CPNE7: variants seen among roughly 807,000 people sequenced by gnomAD.
CPNE7 encodes copine 7, also known as copine-7.
CPNE7 carries 78 observed loss-of-function variants against 66.5 expected under a neutral mutation model. That is an observed-to-expected ratio of 1.17 (90% CI 0.98 to 1.42). CPNE7 has a LOEUF of 1.42. Among genes scored for constraint, CPNE7 ranks in the 40% most tolerant of loss-of-function variants. The probability of loss-of-function intolerance (pLI) is 0.00; values close to 1 mark genes in which losing one functional copy is unlikely to be tolerated. For missense variants in CPNE7, 1,012 were observed against 776.6 expected, an observed-to-expected ratio of 1.30 and a Z score of -3.60; for synonymous variants, 468 against 336.7, an observed-to-expected ratio of 1.39 and a Z score of -4.27.
rs2059159081 is a variant in CPNE7 at position 89,591,014 on chromosome 16, A to G, written c.1124A>G (p.His375Arg). 5.0e-6 allele frequency: 8 copies of G among 1,613,608 alleles called. No individual in the cohort carries two copies. Among genetic ancestry groups the G allele is most frequent in the East Asian group, 4.5e-5 (2 of 44,846 alleles). The change falls in exon 12 of 15, where the codon CAT becomes CGT. Residue 375 changes from histidine to arginine, a missense_variant. Physicochemically the swap from His to Arg is conservative, Grantham distance 29 (BLOSUM62 0). Coordinates refer to ENST00000319518, the MANE Select transcript of CPNE7 (RefSeq NM_153636.3). ...CCTCTTGTTCCCACCCAGGTGTCCC[A>G]TGACTTTGCCATCAATTTCAACCCT... ...ARIPPKYEVS[H>R]DFAINFNPED...
intron 9 of CPNE7, among the ~76,000 whole-genome samples, chr16:89,588,214 C>G (rs1214963213): frequency 2.7e-5 from 4 of 146,864 alleles, no homozygotes; most frequent in South Asian, 2.2e-4. Flanking sequence ...CCGCGTGTCA[C>G]CCACAGATAC....
intron 8 of CPNE7, 116 bp downstream of exon 8, chr16:89,586,872 G>A (rs998472874): frequency 1.8e-6 from 2 of 1,131,108 alleles, no homozygotes; most frequent in African/African-American, 1.5e-5. Context: ...CACGTCTGGG[G>A]AGGGGCTGAG....
At chr16:89,581,297 C>A (rs181295) in intron 2 of CPNE7, among the ~76,000 whole-genome samples, 1 of 146,816 alleles carries the variant, frequency 6.8e-6, no homozygotes, top group Non-Finnish European at 1.5e-5. Context: ...TCACACAGAA[C>A]ATCCCGTCAC....
intron 7 of CPNE7, among the ~76,000 whole-genome samples, chr16:89,586,226 C>T (rs2059036651): frequency 6.6e-6 from 1 of 152,086 alleles, no homozygotes; most frequent in Non-Finnish European, 1.5e-5. Flanking sequence ...ATGGTGGACC[C>T]TGGTGCTGGC....
At chr16:89,587,200 GTCTGTGGCCCCGCCCATCCCCGCC>G in intron 9 of CPNE7, 98 bp downstream of exon 9, 1 of 426,524 alleles carries the variant, frequency 2.3e-6, no homozygotes, top group African/African-American at 5.1e-5. Flanking sequence ...CGCCCCCTCA[GTCTGTGGCCCCGCCCATCCCCGCC>G]CCCTCAGTCC....
intron 2 of CPNE7, among the ~76,000 whole-genome samples, chr16:89,582,582 C>T (rs1257869838): frequency 1.3e-5 from 2 of 152,218 alleles, no homozygotes; most frequent in East Asian, 3.9e-4. Flanking sequence ...GCTCCCCCTC[C>T]CAGCACCCAG....
In CPNE7 at chr16:89,586,672, C is replaced by G. The variant is rs779387198; in HGVS notation, c.783C>G (p.Ala261=). 1.9e-6 allele frequency: 3 copies of G among 1,612,572 alleles called. No homozygotes were observed. The highest frequency in any genetic ancestry group is 2.5e-6 in the Non-Finnish European group (3 of 1,179,468). Residue 261 remains alanine (A), a splice_region_variant and synonymous_variant, in exon 8 of 15, where the codon GCC becomes GCG. Transcript: ENST00000319518. ...GCCTCTGCTTGTTCCTGCCCCAGGC[C>G]CAGTGGGACTGTGTGAACCCCAAAT... ...EMQKAFEEGQ[A]QWDCVNPKYK...
chr16:89,587,499 C>T (rs1381677740), intron 9 of CPNE7: 2 of 450,338 alleles, frequency 4.4e-6, no homozygotes, highest in Non-Finnish European at 8.9e-6. Context: ...AGCCCCAAGC[C>T]CGCCTTGGGA....
chr16:89,583,621 T>A (rs2058990197), intron 2 of CPNE7, 76 bp from the exon 3 acceptor site: 1 of 1,606,492 alleles, frequency 6.2e-7, no homozygotes, highest in Admixed American at 1.7e-5. Context: ...AGAGTCCGGG[T>A]GAGGGCGCGG....
In CPNE7 at chr16:89,575,955, T is replaced by G; in HGVS notation, c.58T>G (p.Cys20Gly). Residue 20 changes from cysteine (C) to glycine (G), a missense_variant, in exon 1 of 15, where the codon TGC becomes GGC. Cys to Gly is a radical substitution (Grantham distance 159). Coordinates refer to ENST00000319518, the MANE Select transcript of CPNE7 (RefSeq NM_153636.3). Reference protein sequence around the residue: ...AATPGGLPAPCASKVELRLSC... With the variant: ...AATPGGLPAPGASKVELRLSC... The stretch of plus-strand genomic sequence containing the variant: ...AACCCCCGGGGGTTTGCCCGCGCCC[T>G]GCGCCTCGAAGGTGGAGCTGCGGCT... 1 of 1,348,234 alleles carries G rather than the reference T, an allele frequency of 7.4e-7. No individual in the cohort carries two copies. Among genetic ancestry groups the G allele is most frequent in the Non-Finnish European group, 9.5e-7 (1 of 1,048,850 alleles). 83.5% of individuals were successfully genotyped at this position (1,348,234 alleles called of 1,614,324 possible).
chr16:89,590,071 G>T (rs984499958), intron 11 of CPNE7, 120 bp downstream of exon 11: 33 of 1,161,040 alleles, frequency 2.8e-5, no homozygotes, highest in Admixed American at 4.5e-5. Flanking sequence ...TGTAGGATGG[G>T]ATTGGGGTGC....
chr16:89,589,865 G>T (rs775574625), intron 10 of CPNE7, 32 bp from the exon 11 acceptor site: 55 of 1,612,698 alleles, frequency 3.4e-5, no homozygotes, highest in Non-Finnish European at 3.9e-5. Context: ...AAGAGGTCAG[G>T]GCCTCCTGGT....
intron 13 of CPNE7, among the ~76,000 whole-genome samples, chr16:89,593,768 A>G (rs1035698373): frequency 6.6e-6 from 1 of 152,238 alleles, no homozygotes; most frequent in African/African-American, 2.4e-5. Context: ...TATCTAATAC[A>G]TAGACTATAT....
intron 5 of CPNE7, among the ~76,000 whole-genome samples, chr16:89,585,239 G>T (rs116431961): frequency 6.6e-6 from 1 of 152,328 alleles, no homozygotes; most frequent in Non-Finnish European, 1.5e-5. Context: ...CAGAAGTTAC[G>T]AAGGTGGAGG....
rs1457692123 is a variant in CPNE7, at chr16:89,584,624, T to G, written c.508-150T>G. Reference sequence around the variant, plus strand: ...CTGGGGGCGGGAGGGAGGGACGAGATGCTGTCGGCGGGGACTGGCTGCCTC... The same window carrying G: ...CTGGGGGCGGGAGGGAGGGACGAGAGGCTGTCGGCGGGGACTGGCTGCCTC... On this transcript the variant is annotated intron_variant, in intron 4 of 14. Transcript: ENST00000319518. This position sits in a 1 kb window ranked among gnomAD's most constrained non-coding sequence, Gnocchi z 6.0. 1.5e-6 allele frequency: 1 copy of G among 652,922 alleles called. No individual in the cohort carries two copies. Among genetic ancestry groups the G allele is most frequent in the Non-Finnish European group, 2.7e-6 (1 of 364,682 alleles). 40.4% of individuals were successfully genotyped at this position (652,922 alleles called of 1,614,324 possible).
At position 89,585,431 on chromosome 16, in the gene CPNE7, G is replaced by A. The variant is rs1453672806; in HGVS notation, c.592-33G>A. 4 of 1,526,194 alleles carry A rather than the reference G, an allele frequency of 2.6e-6. No homozygotes were observed. The Admixed American group carries it at 5.1e-5, about 19-fold the overall frequency. The allele number at this position is 1,526,194 out of a possible 1,614,324, so 94.5% of individuals were successfully genotyped here. On this transcript the variant is annotated intron_variant, in intron 5 of 14. Transcript: ENST00000319518. ...CCCCCCAAGGATCCCAGGGCCCTGG[G>A]CCTCCCCTGAGCCAGCCCCTCCCGG... is the stretch of plus-strand genomic sequence containing the variant.
chr16:89,583,981 T>A (rs1567956161), intron 3 of CPNE7, 47 bp from the exon 4 acceptor site: 1 of 1,597,414 alleles, frequency 6.3e-7, no homozygotes, highest in East Asian at 2.2e-5. Context: ...CACGGTGGGG[T>A]CAGGCCCCAC....
intron 1 of CPNE7, among the ~76,000 whole-genome samples, chr16:89,577,129 T>C (rs1190994515): frequency 2.0e-5 from 3 of 152,034 alleles, no homozygotes; most frequent in African/African-American, 7.3e-5. Flanking sequence ...CTGCATGGGA[T>C]GGGAGAGGCT....
chr16:89,594,359 C>A lies in CPNE7; in HGVS notation c.1303-1008C>A, dbSNP rs888488138. 7.2e-5 allele frequency among the ~76,000 whole-genome samples: 11 copies of A among 152,070 alleles called. 1 individual carries two copies. The highest frequency in any genetic ancestry group is 2.0e-4 in the Admixed American group (3 of 15,264). On this transcript the variant is annotated intron_variant, in intron 13 of 14. Coordinates refer to ENST00000319518, the MANE Select transcript of CPNE7 (RefSeq NM_153636.3). ...GGTAATTCTTCCCACAGGTGTGGGG[C>A]TCAGAGAGGGGGAGATGGGGAGGGC... is the stretch of plus-strand genomic sequence containing the variant.
Sources: gnomAD v4.1 joint callset for allele counts (sites outside exome capture counted in the v4.1 genomes callset) on GRCh38, gnomAD v4.1.1 for gene constraint, Gnocchi (gnomAD v3.1) non-coding constraint, MANE v1.5 for transcripts, NCBI Gene and HGNC (gene_info 2026-07-23, HGNC 2026-07-21) for gene names.